CDK8: variants seen among roughly 807,000 people sequenced by gnomAD.
CDK8 encodes cyclin-dependent kinase 8.
CDK8 carries 29 observed loss-of-function variants against 71.5 expected under a neutral mutation model. The ratio of observed to expected loss-of-function variants is 0.41; its 90% CI spans 0.30 to 0.55. The LOEUF is 0.55. Among genes scored for constraint, CDK8 ranks in the 20% least tolerant of loss-of-function variants. The pLI is 0.37. For missense variants in CDK8, 288 were observed against 572.6 expected (o/e 0.50, Z 5.07); for synonymous variants, 161 against 192.1 (o/e 0.84, Z 1.34).
intron 4 of CDK8, among the ~76,000 whole-genome samples, chr13:26,379,171 T>C (rs1334436387): frequency 1.3e-5 from 2 of 152,204 alleles, no homozygotes; most frequent in Non-Finnish European, 2.9e-5. Context: ...CATTTCTAAA[T>C]AGTGCTATTA....
chr13:26,370,505 C>A (rs138679116), intron 4 of CDK8, among the ~76,000 whole-genome samples: 24 of 152,252 alleles, frequency 1.6e-4, no homozygotes, highest in Middle Eastern at 3.4e-3. Flanking sequence ...AACTTCCAAG[C>A]ATCAAAAGTA....
intron 4 of CDK8, among the ~76,000 whole-genome samples, chr13:26,376,074 G>T (rs949287196): frequency 1.3e-5 from 2 of 152,172 alleles, no homozygotes; most frequent in African/African-American, 4.8e-5. Context: ...ATTTGTCAAG[G>T]AAGTAATACT....
At chr13:26,264,760 A>G (rs554296176) in intron 1 of CDK8, among the ~76,000 whole-genome samples, 6 of 151,430 alleles carry the variant, frequency 4.0e-5, no homozygotes, top group Non-Finnish European at 7.4e-5. Flanking sequence ...CCCTTTATCT[A>G]TTTTTCACTG....
At chr13:26,384,446 G>T (rs9551266) in intron 5 of CDK8, among the ~76,000 whole-genome samples, 62,824 of 152,026 alleles carry the variant, frequency 0.41, 14,748 homozygotes, top group Non-Finnish European at 0.53. Context: ...TACTATTAGG[G>T]ATAGATATGA....
At chr13:26,354,689 T>TA (rs1873820095) in intron 4 of CDK8, among the ~76,000 whole-genome samples, 1 of 152,182 alleles carries the variant, frequency 6.6e-6, no homozygotes, top group Non-Finnish European at 1.5e-5. Context: ...AGAATCTAGC[T>TA]AATGCCTTAT....
intron 1 of CDK8, among the ~76,000 whole-genome samples, chr13:26,289,726 A>G (rs944016001): frequency 1.3e-5 from 2 of 151,800 alleles, no homozygotes; most frequent in African/African-American, 2.4e-5. Context: ...AATTTTTTGT[A>G]TTTTTAGTAG....
At chr13:26,362,029 A>G (rs1266156142) in intron 4 of CDK8, among the ~76,000 whole-genome samples, 1 of 152,116 alleles carries the variant, frequency 6.6e-6, no homozygotes, top group Non-Finnish European at 1.5e-5. Context: ...GGAATGATTT[A>G]TACTAAATCA....
chr13:26,333,644 A>G (rs1331634951), intron 1 of CDK8, among the ~76,000 whole-genome samples: 2 of 152,228 alleles, frequency 1.3e-5, no homozygotes, highest in Non-Finnish European at 2.9e-5. Flanking sequence ...TTTAAATATT[A>G]TATAAAATTA....
intron 2 of CDK8, among the ~76,000 whole-genome samples, chr13:26,344,804 A>G (rs1473264952): frequency 2.0e-5 from 3 of 152,086 alleles, no homozygotes; most frequent in Non-Finnish European, 4.4e-5. Context: ...CTCCTAGGAT[A>G]ACAGTACCTT....
At position 26,389,227 on chromosome 13, in the gene CDK8, A is replaced by G. The variant is rs534884807; in HGVS notation, c.646+3885A>G. Among the ~76,000 whole-genome samples the G allele has an allele frequency of 4.6e-5, 7 of 152,176 alleles. No individual in the cohort carries two copies. The South Asian group carries it at 1.5e-3, about 32-fold the overall frequency. Reference sequence around the variant, plus strand: ...ACCCAGGCTGGAGTGCAGTGGTGCAATCTTGGCTCACTGCAACCTCCGCTT... The same window carrying G: ...ACCCAGGCTGGAGTGCAGTGGTGCAGTCTTGGCTCACTGCAACCTCCGCTT... On this transcript the variant is annotated intron_variant, in intron 6 of 12. Coordinates refer to ENST00000381527, the MANE Select transcript of CDK8 (RefSeq NM_001260.3).
At chr13:26,311,552 C>T (rs1043088079) in intron 1 of CDK8, among the ~76,000 whole-genome samples, 2 of 152,088 alleles carry the variant, frequency 1.3e-5, no homozygotes, top group African/African-American at 4.8e-5. Flanking sequence ...ACTAAGATTC[C>T]AGATTATTTT....
chr13:26,267,304 A>T (rs538272196), intron 1 of CDK8, among the ~76,000 whole-genome samples: 6 of 152,236 alleles, frequency 3.9e-5, no homozygotes, highest in Admixed American at 1.3e-4. Context: ...GTCAAAGGTC[A>T]TATACTTTCA....
chr13:26,379,134 T>C (rs1276165676), intron 4 of CDK8, among the ~76,000 whole-genome samples: 1 of 152,216 alleles, frequency 6.6e-6, no homozygotes, highest in African/African-American at 2.4e-5. Flanking sequence ...GTAGTGTTAA[T>C]GGAAAGTAAC....
intron 1 of CDK8, among the ~76,000 whole-genome samples, chr13:26,278,180 G>A (rs1872623336): frequency 1.3e-5 from 2 of 152,210 alleles, no homozygotes; most frequent in African/African-American, 4.8e-5. Context: ...CCAGTTCTGA[G>A]ATTTTATGAT....
At chr13:26,391,261 G>A (rs770673507) in intron 6 of CDK8, among the ~76,000 whole-genome samples, 2 of 151,962 alleles carry the variant, frequency 1.3e-5, no homozygotes, top group Admixed American at 1.3e-4. Flanking sequence ...TCTTTAAAAA[G>A]CAGTGTAGCT....
chr13:26,356,361 G>C (rs540679632), intron 4 of CDK8, among the ~76,000 whole-genome samples: 1 of 152,238 alleles, frequency 6.6e-6, no homozygotes, highest in South Asian at 2.1e-4. Context: ...AATCCAAAAA[G>C]TTCTGCAGTG....
chr13:26,397,813 C>T (rs553417152), intron 9 of CDK8, among the ~76,000 whole-genome samples: 1 of 152,280 alleles, frequency 6.6e-6, no homozygotes, highest in South Asian at 2.1e-4. Flanking sequence ...AAATTATATA[C>T]AGCCATTACC....
intron 5 of CDK8, 55 bp downstream of exon 5, chr13:26,382,926 G>A (rs1172245099): frequency 3.9e-5 from 45 of 1,151,468 alleles, no homozygotes; most frequent in Non-Finnish European, 5.0e-5. Flanking sequence ...ACTTTTGCAG[G>A]CAGCTATATC....
chr13:26,369,387 TGTG>T lies in CDK8; in HGVS notation c.457-13423_457-13421del, dbSNP rs1159073875. ...ATCGTTGATCCCAGGAGGCTGAAGT[TGTG>T]GTGAGCCAAGATCGCACCACTGCAC... On this transcript the variant is annotated intron_variant, in intron 4 of 12. Coordinates refer to ENST00000381527, the MANE Select transcript of CDK8 (RefSeq NM_001260.3). 1.6e-4 allele frequency among the ~76,000 whole-genome samples: 22 copies of T among 139,088 alleles called. No individual in the cohort carries two copies. In the South Asian group the frequency reaches 4.9e-3, roughly 31 times the overall value. The allele number at this position is 139,088 out of a possible 152,430, so 91.2% of individuals were successfully genotyped here.
Sources: gnomAD v4.1 joint callset for allele counts (sites outside exome capture counted in the v4.1 genomes callset) on GRCh38, gnomAD v4.1.1 for gene constraint, MANE v1.5 for transcripts, NCBI Gene and HGNC (gene_info 2026-07-23, HGNC 2026-07-21) for gene names.